Variants in LAPTM4B observed in about 807,000 individuals in gnomAD.
LAPTM4B encodes the protein lysosomal protein transmembrane 4 beta.
Under a neutral mutation model 28.5 loss-of-function variants are expected in LAPTM4B, and 26 were observed. The ratio of observed to expected loss-of-function variants is 0.91; its 90% CI spans 0.67 to 1.27. LAPTM4B has a LOEUF of 1.27. Among genes scored for constraint, LAPTM4B ranks in the 50% most tolerant of loss-of-function variants. The pLI is 0.00. For missense variants in LAPTM4B, 288 were observed against 285.8 expected, an observed-to-expected ratio of 1.01 and a Z score of -0.06; for synonymous variants, 109 against 106.4, an observed-to-expected ratio of 1.02 and a Z score of -0.15.
intron 6 of LAPTM4B, among the ~76,000 whole-genome samples, chr8:97,849,833 G>T (rs1024411880): frequency 7.0e-6 from 1 of 142,182 alleles, no homozygotes; most frequent in Admixed American, 6.9e-5. Context: ...CCCGCCCCCG[G>T]TTCCTGTGTG....
chr8:97,843,753 TG>T, intron 6 of LAPTM4B, among the ~76,000 whole-genome samples: 1 of 151,662 alleles, frequency 6.6e-6, no homozygotes, highest in African/African-American at 2.4e-5. Flanking sequence ...CACTCCAGCC[TG>T]GGGCAACAAG....
At position 97,803,513 on chromosome 8, in the gene LAPTM4B, A is replaced by G. The variant is rs145127918; in HGVS notation, c.100-1840A>G. On this transcript the variant is annotated intron_variant, in intron 1 of 6. Transcript: ENST00000521545. The stretch of plus-strand genomic sequence containing the variant: ...GGTCTCGAACTCCTAATCTCAAGTA[A>G]TCCACCCACCTTGGCTTCCCAAAGT... Among the ~76,000 whole-genome samples, 261 of 152,238 alleles carry G rather than the reference A, an allele frequency of 1.7e-3. 4 individuals are homozygous for G. In the East Asian group the frequency reaches 0.043, roughly 25 times the overall value.
chr8:97,838,282 T>C (rs1030936022), intron 6 of LAPTM4B, among the ~76,000 whole-genome samples: 1 of 152,202 alleles, frequency 6.6e-6, no homozygotes, highest in Non-Finnish European at 1.5e-5. Flanking sequence ...GATGCCCTCA[T>C]TTCCTCAACA....
chr8:97,833,841 C>T (rs1817221089), intron 6 of LAPTM4B, among the ~76,000 whole-genome samples: 1 of 152,052 alleles, frequency 6.6e-6, no homozygotes, highest in African/African-American at 2.4e-5. Flanking sequence ...TCTATAATTC[C>T]TATTTCATTT....
chr8:97,788,837 G>A (rs1055912625), intron 1 of LAPTM4B, among the ~76,000 whole-genome samples: 1 of 151,222 alleles, frequency 6.6e-6, no homozygotes, highest in Admixed American at 6.6e-5. Flanking sequence ...TGAGACTACG[G>A]GTGTCTGTCA....
chr8:97,783,692 T>G (rs1586318351), intron 1 of LAPTM4B, among the ~76,000 whole-genome samples: 1 of 152,214 alleles, frequency 6.6e-6, no homozygotes, highest in East Asian at 1.9e-4. Context: ...TCAAGCCTTC[T>G]ACCTGTGGGG....
intron 1 of LAPTM4B, among the ~76,000 whole-genome samples, chr8:97,787,871 C>T (rs530838794): frequency 5.3e-5 from 8 of 151,974 alleles, no homozygotes; most frequent in South Asian, 4.2e-4. Flanking sequence ...CTCACTTTGT[C>T]GCCCAGGCTG....
At chr8:97,830,753 A>C (rs1817172543) in intron 6 of LAPTM4B, among the ~76,000 whole-genome samples, 1 of 152,102 alleles carries the variant, frequency 6.6e-6, no homozygotes, top group Admixed American at 6.5e-5. Flanking sequence ...GTTCCTGTCC[A>C]CCGAGGTTGT....
intron 4 of LAPTM4B, among the ~76,000 whole-genome samples, chr8:97,817,445 C>CTTTTT (rs753483537): frequency 7.9e-5 from 7 of 89,002 alleles, no homozygotes; most frequent in Admixed American, 1.3e-4. Context: ...GCCAACTTTA[C>CTTTTT]TTTTTTTTTT....
At chr8:97,799,073 G>A (rs1015262728) in intron 1 of LAPTM4B, among the ~76,000 whole-genome samples, 1 of 152,032 alleles carries the variant, frequency 6.6e-6, no homozygotes, top group Admixed American at 6.6e-5. Context: ...TAGTAATTCT[G>A]CCTCCATGTG....
rs1328272520 is a variant in LAPTM4B at position 97,775,855 on chromosome 8, G to A, written c.-155G>A. 1.3e-5 allele frequency: 20 copies of A among 1,528,266 alleles called. No individual in the cohort carries two copies. The highest frequency in any genetic ancestry group is 2.2e-4 in the Middle Eastern group (1 of 4,466). The allele number at this position is 1,528,266 out of a possible 1,614,324, so 94.7% of individuals were successfully genotyped here. A position where few individuals can be genotyped will look rare whatever the true frequency, so the allele number is the denominator to read the frequency against. ...GACCCGGCAGAAGCTCGGAGCTCTC[G>A]GGGTATCGAGGAGGCAGGCCCGCGG... On this transcript the variant is annotated 5_prime_UTR_variant, in exon 1 of 7. Transcript: ENST00000521545.
intron 1 of LAPTM4B, among the ~76,000 whole-genome samples, chr8:97,790,531 C>T (rs534441433): frequency 3.3e-4 from 50 of 151,974 alleles, no homozygotes; most frequent in Non-Finnish European, 6.9e-4. Context: ...AGGCTGGTCT[C>T]GAACTCCCGA....
chr8:97,780,897 C>T (rs561372587), intron 1 of LAPTM4B, among the ~76,000 whole-genome samples: 1 of 152,090 alleles, frequency 6.6e-6, no homozygotes, highest in East Asian at 1.9e-4. Context: ...AAATTCTGGG[C>T]CACGCTAACT....
chr8:97,781,455 C>G (rs1421208417), intron 1 of LAPTM4B, among the ~76,000 whole-genome samples: 2 of 148,310 alleles, frequency 1.3e-5, no homozygotes, highest in East Asian at 4.0e-4. Flanking sequence ...TTTTTGTTTT[C>G]CTAGTAGAGA....
chr8:97,810,253 T>C (rs1016661805), intron 2 of LAPTM4B, among the ~76,000 whole-genome samples: 1 of 152,240 alleles, frequency 6.6e-6, no homozygotes, highest in Middle Eastern at 3.4e-3. Flanking sequence ...AAATTGACTA[T>C]ACTGGGAAAG....
intron 6 of LAPTM4B, among the ~76,000 whole-genome samples, chr8:97,837,237 C>CTG (rs998870590): frequency 2.1e-5 from 3 of 146,178 alleles, no homozygotes; most frequent in Non-Finnish European, 1.5e-5. Context: ...GTCGCCCAGG[C>CTG]TGTGGAGTGC....
rs551381919 is a variant in LAPTM4B, at chr8:97,851,688, G to A, written c.*214G>A. On this transcript the variant is annotated 3_prime_UTR_variant, in exon 7 of 7. Coordinates refer to ENST00000521545, the MANE Select transcript of LAPTM4B (RefSeq NM_018407.6). ...ATTAACTGTAGAATTCTTCCTGTAC[G>A]ATTGGGGATATAATGGGCTTCACTA... 7 of 581,994 alleles carry A rather than the reference G, an allele frequency of 1.2e-5. No homozygotes were observed. Among genetic ancestry groups the A allele is most frequent in the African/African-American group, 1.1e-4 (6 of 53,526 alleles). 36.1% of individuals were successfully genotyped at this position (581,994 alleles called of 1,614,324 possible).
At position 97,801,543 on chromosome 8, in the gene LAPTM4B, A is replaced by G. The variant is rs533352056; in HGVS notation, c.100-3810A>G. Among the ~76,000 whole-genome samples, 13 of 152,234 alleles carry G rather than the reference A, an allele frequency of 8.5e-5. 1 individual carries two copies. In the South Asian group the frequency reaches 2.7e-3, roughly 32 times the overall value. On this transcript the variant is annotated intron_variant, in intron 1 of 6. Transcript: ENST00000521545. ...CCTATTTCAGTCCACAATTTTCCAC[A>G]TACCTTTTCTCAAAAATAAGAGTAT...
intron 1 of LAPTM4B, 38 bp from the exon 2 acceptor site, chr8:97,805,315 A>G (rs375398770): frequency 9.4e-7 from 1 of 1,062,514 alleles, no homozygotes; most frequent in Non-Finnish European, 1.4e-6. Flanking sequence ...TCCTGGGGTT[A>G]CTTAAATTCT....
Sources: gnomAD v4.1 joint callset for allele counts (sites outside exome capture counted in the v4.1 genomes callset) on GRCh38, gnomAD v4.1.1 for gene constraint, MANE v1.5 for transcripts, NCBI Gene and HGNC (gene_info 2026-07-23, HGNC 2026-07-21) for gene names.